MARCHF5: variants seen among roughly 807,000 people sequenced by gnomAD.
The protein encoded by MARCHF5 is E3 ubiquitin-protein ligase MARCHF5.
Under a neutral mutation model 36.5 loss-of-function variants are expected in MARCHF5, and 5 were observed. The ratio of observed to expected loss-of-function variants is 0.14; its 90% CI spans 0.07 to 0.29. MARCHF5 has a LOEUF of 0.29. Ranked by LOEUF, MARCHF5 falls within the 10% of genes least tolerant of loss-of-function variation. The pLI is 1.00. For synonymous variants in MARCHF5, 103 were observed against 109.9 expected (o/e 0.94, Z 0.39); for missense variants, 179 against 336.3 (o/e 0.53, Z 3.66).
At chr10:92,311,656 CTT>C (rs1843146387) in intron 2 of MARCHF5, among the ~76,000 whole-genome samples, 1 of 152,010 alleles carries the variant, frequency 6.6e-6, no homozygotes, top group Admixed American at 6.5e-5. Flanking sequence ...AAAAAACTAA[CTT>C]AGCTTAATTA....
chr10:92,292,020 C>G (rs1414338321), intron 1 of MARCHF5, among the ~76,000 whole-genome samples: 2 of 149,802 alleles, frequency 1.3e-5, no homozygotes, highest in Admixed American at 6.7e-5. Flanking sequence ...CCGCACCCCC[C>G]GTCCCCCCCG....
rs1843727937 is a variant in MARCHF5 at position 92,352,499 on chromosome 10, C to G, written c.*1292C>G. 1 of 152,102 alleles carries G rather than the reference C, an allele frequency of 6.6e-6. No individual in the cohort carries two copies. The highest frequency in any genetic ancestry group is 2.1e-4 in the South Asian group (1 of 4,828). 9.4% of individuals were successfully genotyped at this position (152,102 alleles called of 1,614,324 possible). ...GATTGGCCATTTTAATGTTCAGCAA[C>G]CTGAATGGTTATTTTTGTTAATTAA... is the stretch of plus-strand genomic sequence containing the variant. On this transcript the variant is annotated 3_prime_UTR_variant, in exon 6 of 6. Transcript: ENST00000358935.
chr10:92,311,436 T>G (rs1843143522), intron 2 of MARCHF5, 99 bp downstream of exon 2: 1 of 752,180 alleles, frequency 1.3e-6, no homozygotes, highest in African/African-American at 1.8e-5. Context: ...TTTTAGGGTG[T>G]GAATTTCTAT....
At chr10:92,302,575 G>T (rs745793789) in intron 1 of MARCHF5, among the ~76,000 whole-genome samples, 3 of 151,884 alleles carry the variant, frequency 2.0e-5, no homozygotes, top group South Asian at 2.1e-4. Context: ...CTCCTGAGTA[G>T]CTGGGATTAC....
At chr10:92,291,667 A>C in intron 1 of MARCHF5, 138 bp downstream of exon 1, 1 of 1,317,230 alleles carries the variant, frequency 7.6e-7, no homozygotes, top group Non-Finnish European at 1.0e-6. Flanking sequence ...GAGAGGGGCA[A>C]AAAGTTTGGA....
chr10:92,293,766 A>T (rs371007619), intron 1 of MARCHF5, among the ~76,000 whole-genome samples: 4 of 152,128 alleles, frequency 2.6e-5, no homozygotes, highest in South Asian at 4.2e-4. Flanking sequence ...TGAGTGACAG[A>T]GTGGAACTCC....
chr10:92,345,516 T>C (rs1453185013), intron 3 of MARCHF5, among the ~76,000 whole-genome samples: 1 of 151,924 alleles, frequency 6.6e-6, no homozygotes, highest in Non-Finnish European at 1.5e-5. Flanking sequence ...AATGTAGAAT[T>C]CTAATAATAA....
intron 2 of MARCHF5, among the ~76,000 whole-genome samples, chr10:92,323,907 G>A (rs982902289): frequency 1.3e-5 from 2 of 152,136 alleles, no homozygotes; most frequent in African/African-American, 4.8e-5. Context: ...AACTCATTGG[G>A]GTAAATACCA....
intron 2 of MARCHF5, among the ~76,000 whole-genome samples, chr10:92,323,868 T>A (rs1246417517): frequency 6.6e-6 from 1 of 152,238 alleles, no homozygotes; most frequent in East Asian, 1.9e-4. Context: ...CACATCCATG[T>A]ACAGAATTTT....
chr10:92,295,242 A>G (rs1419678913), intron 1 of MARCHF5, among the ~76,000 whole-genome samples: 1 of 147,456 alleles, frequency 6.8e-6, no homozygotes, highest in Non-Finnish European at 1.5e-5. Context: ...AGACTATTTT[A>G]ATTGTAATAT....
At chr10:92,351,015 T>A in intron 5 of MARCHF5, 76 bp from the exon 6 acceptor site, 1 of 786,298 alleles carries the variant, frequency 1.3e-6, no homozygotes, top group East Asian at 2.6e-5. Context: ...TCTTTTGTGA[T>A]CTAAATAAAA....
chr10:92,306,827 A>G (rs961149696), intron 1 of MARCHF5, among the ~76,000 whole-genome samples: 3 of 152,162 alleles, frequency 2.0e-5, no homozygotes, highest in African/African-American at 7.2e-5. Context: ...GAGCCTGGCC[A>G]AGGTGGTGAA....
intron 1 of MARCHF5, among the ~76,000 whole-genome samples, chr10:92,305,912 AGAGT>A (rs1252899737): frequency 6.6e-6 from 1 of 152,154 alleles, no homozygotes; most frequent in Non-Finnish European, 1.5e-5. Context: ...CCTGAGCAAC[AGAGT>A]GAGACCCTGT....
At chr10:92,294,541 A>G (rs1184572772) in intron 1 of MARCHF5, among the ~76,000 whole-genome samples, 3 of 152,210 alleles carry the variant, frequency 2.0e-5, no homozygotes, top group Non-Finnish European at 4.4e-5. Context: ...CCAAGAGACT[A>G]AAATATGTCA....
intron 1 of MARCHF5, among the ~76,000 whole-genome samples, chr10:92,302,646 G>A (rs11186912): frequency 0.34 from 50,946 of 151,828 alleles, 10,737 homozygotes; most frequent in Middle Eastern, 0.52. Flanking sequence ...GTTTCTCTAT[G>A]TTGGTCAGGC....
In MARCHF5 at chr10:92,291,476, TGCGCCG is replaced by T; in HGVS notation, c.-16_-11del. 1.3e-6 allele frequency: 2 copies of T among 1,546,546 alleles called. No individual in the cohort carries two copies. Among genetic ancestry groups the T allele is most frequent in the Non-Finnish European group, 1.7e-6 (2 of 1,143,742 alleles). On this transcript the variant is annotated 5_prime_UTR_variant, in exon 1 of 6. Transcript: ENST00000358935. ...AGCGGGTCCACTGGGGAAGGCCGTGTGCGCCGGCTCCGCGGAAGATGCCGGACCAAG... is the reference window on the plus strand; with the variant it reads ...AGCGGGTCCACTGGGGAAGGCCGTGTGCTCCGCGGAAGATGCCGGACCAAG...
chr10:92,329,170 G>C (rs1283466589), intron 2 of MARCHF5, among the ~76,000 whole-genome samples: 1 of 152,104 alleles, frequency 6.6e-6, no homozygotes, highest in African/African-American at 2.4e-5. Context: ...ATAGAATTTT[G>C]CTGGGTATTG....
intron 1 of MARCHF5, among the ~76,000 whole-genome samples, chr10:92,303,405 A>G (rs1235809432): frequency 2.6e-5 from 4 of 152,018 alleles, no homozygotes; most frequent in African/African-American, 9.7e-5. Flanking sequence ...TTGAATTCTC[A>G]TCTGTAGTTA....
intron 2 of MARCHF5, among the ~76,000 whole-genome samples, chr10:92,319,951 CAAA>C (rs576145437): frequency 5.6e-5 from 4 of 71,184 alleles, no homozygotes; most frequent in African/African-American, 2.0e-4. Flanking sequence ...TGCACCTGGC[CAAA>C]AAAAAAAAAA....
Sources: allele counts gnomAD v4.1 joint callset (sites outside exome capture counted in the v4.1 genomes callset), GRCh38; gene constraint gnomAD v4.1.1; transcripts MANE v1.5; gene names NCBI Gene and HGNC (gene_info 2026-07-23, HGNC 2026-07-21).